Variants in DOCK1 observed in about 807,000 individuals in gnomAD.
The protein encoded by DOCK1 is dedicator of cytokinesis 1.
In DOCK1, 138 loss-of-function variants were observed where a neutral mutation model predicts 262.7. That is an observed-to-expected ratio of 0.53 (90% CI 0.46 to 0.61). The LOEUF is 0.61. Ranked by LOEUF, DOCK1 falls within the 20% of genes least tolerant of loss-of-function variation. DOCK1 has a pLI of 0.00. For missense variants in DOCK1, 1,908 were observed against 2,370.7 expected (o/e 0.80, Z 4.05); for synonymous variants, 866 against 867.4 (o/e 1.00, Z 0.03).
intron 27 of DOCK1, among the ~76,000 whole-genome samples, chr10:127,237,536 A>T (rs1385954393): frequency 6.6e-6 from 1 of 152,198 alleles, no homozygotes; most frequent in Non-Finnish European, 1.5e-5. Context: ...TAAATAAGCC[A>T]TTCCCGTACT....
intron 4 of DOCK1, among the ~76,000 whole-genome samples, chr10:126,984,436 C>T (rs2039207022): frequency 6.6e-6 from 1 of 152,176 alleles, no homozygotes; most frequent in Non-Finnish European, 1.5e-5. Context: ...CAACCTCTGC[C>T]TCCAGGTTCA....
At chr10:127,177,615 C>T (rs2055294665) in intron 27 of DOCK1, among the ~76,000 whole-genome samples, 2 of 152,228 alleles carry the variant, frequency 1.3e-5, no homozygotes, top group African/African-American at 4.8e-5. Context: ...CCCGTGAGAG[C>T]TGCACAGAAA....
chr10:126,909,877 G>A (rs144367668), intron 1 of DOCK1, among the ~76,000 whole-genome samples: 5 of 152,290 alleles, frequency 3.3e-5, no homozygotes, highest in South Asian at 2.1e-4. Flanking sequence ...TGCGGTTAAC[G>A]GGTTGCTGGA....
rs371921375 is a variant in DOCK1, at chr10:126,918,373, C to T, written c.46+12810C>T. On this transcript the variant is annotated intron_variant, in intron 1 of 51. Coordinates refer to ENST00000623213, the MANE Select transcript of DOCK1 (RefSeq NM_001290223.2). ...CTGCCTACTGGTGCGTGGCGGTAGCCGCCTGTGCCCAGCTGGTGTGCTTGT... is the reference window on the plus strand; with the variant it reads ...CTGCCTACTGGTGCGTGGCGGTAGCTGCCTGTGCCCAGCTGGTGTGCTTGT... 5.3e-5 allele frequency among the ~76,000 whole-genome samples: 8 copies of T among 152,354 alleles called. No homozygotes were observed. The East Asian group carries it at 9.7e-4, about 18-fold the overall frequency.
intron 1 of DOCK1, among the ~76,000 whole-genome samples, chr10:126,915,471 T>G (rs1465269903): frequency 1.3e-5 from 2 of 151,788 alleles, no homozygotes; most frequent in African/African-American, 4.8e-5. Flanking sequence ...CAGGCTGGAG[T>G]GCAGGGGCAC....
intron 25 of DOCK1, among the ~76,000 whole-genome samples, chr10:127,122,028 G>T (rs962582047): frequency 3.3e-5 from 5 of 152,204 alleles, no homozygotes; most frequent in African/African-American, 1.2e-4. Flanking sequence ...AGGAGGAACA[G>T]ATAATTAAAG....
chr10:127,043,319 A>G (rs2044141105), intron 21 of DOCK1, among the ~76,000 whole-genome samples, 155 bp downstream of exon 21: 1 of 152,178 alleles, frequency 6.6e-6, no homozygotes, highest in African/African-American at 2.4e-5. Context: ...TTCCCTCTTA[A>G]CATACCTAAA....
At chr10:127,017,511 A>G (rs1218407868) in intron 12 of DOCK1, among the ~76,000 whole-genome samples, 1 of 151,068 alleles carries the variant, frequency 6.6e-6, no homozygotes, top group African/African-American at 2.4e-5. Flanking sequence ...ACACACACAG[A>G]CACACACGTG....
At chr10:127,008,711 C>T in intron 10 of DOCK1, 21 bp from the exon 11 acceptor site, 1 of 1,568,118 alleles carries the variant, frequency 6.4e-7, no homozygotes, top group Non-Finnish European at 8.7e-7. Context: ...AAAACAATCT[C>T]TGTTCTCTTT....
intron 35 of DOCK1, among the ~76,000 whole-genome samples, chr10:127,374,434 G>A (rs1404768856): frequency 6.6e-5 from 10 of 152,122 alleles, no homozygotes; most frequent in African/African-American, 1.4e-4. Flanking sequence ...TTTTAATGTC[G>A]CTCTCCTTGT....
chr10:127,042,835 C>T, intron 20 of DOCK1, 121 bp downstream of exon 20: 1 of 1,089,084 alleles, frequency 9.2e-7, no homozygotes, highest in Non-Finnish European at 1.3e-6. Context: ...GTTGTAAATC[C>T]AATCAGAGAT....
intron 27 of DOCK1, among the ~76,000 whole-genome samples, chr10:127,236,497 C>T (rs1345071737): frequency 1.9e-5 from 2 of 104,178 alleles, no homozygotes; most frequent in African/African-American, 7.3e-5. Flanking sequence ...CTTCTTGACA[C>T]GGGTTTTTTT....
chr10:127,434,042 A>G (rs1233752681), intron 48 of DOCK1, among the ~76,000 whole-genome samples: 5 of 151,842 alleles, frequency 3.3e-5, no homozygotes, highest in Non-Finnish European at 5.9e-5. Flanking sequence ...CCCGGACAGG[A>G]GCTGGTGTGG....
chr10:127,099,879 C>CT (rs1314869060), intron 23 of DOCK1, among the ~76,000 whole-genome samples: 1 of 152,178 alleles, frequency 6.6e-6, no homozygotes, highest in African/African-American at 2.4e-5. Context: ...GTACCAGAGT[C>CT]TAACTGTGTG....
intron 23 of DOCK1, among the ~76,000 whole-genome samples, chr10:127,079,385 T>TTC (rs1387283725): frequency 6.6e-6 from 1 of 152,206 alleles, no homozygotes; most frequent in African/African-American, 2.4e-5. Context: ...TCTGGAATCC[T>TTC]TCTCTCTCTC....
chr10:127,415,247 G>T lies in DOCK1; in HGVS notation c.4515+9G>T, dbSNP rs1220193174. On this transcript the variant is annotated intron_variant, in intron 44 of 51. Coordinates refer to ENST00000623213, the MANE Select transcript of DOCK1 (RefSeq NM_001290223.2). Reference sequence around the variant, plus strand: ...TCAAGTCTGTTTTCATGGTAAGGATGGCCCCACCCCAGAAGGAATTGTCCG... The same window carrying T: ...TCAAGTCTGTTTTCATGGTAAGGATTGCCCCACCCCAGAAGGAATTGTCCG... 1 of 1,611,546 alleles carries T rather than the reference G, an allele frequency of 6.2e-7. No homozygotes were observed.
chr10:127,043,257 T>A, intron 21 of DOCK1, 93 bp downstream of exon 21: 1 of 953,322 alleles, frequency 1.0e-6, no homozygotes, highest in Non-Finnish European at 1.6e-6. Context: ...TATGACTGTG[T>A]ATTTACTCCT....
intron 42 of DOCK1, among the ~76,000 whole-genome samples, chr10:127,410,006 G>A (rs527239669): frequency 4.3e-4 from 66 of 152,342 alleles, no homozygotes; most frequent in South Asian, 1.9e-3. Context: ...TTTAGCAGAT[G>A]TGTTTGATAT....
chr10:127,170,597 C>G (rs1157060095), intron 27 of DOCK1, among the ~76,000 whole-genome samples: 1 of 152,190 alleles, frequency 6.6e-6, no homozygotes, highest in Non-Finnish European at 1.5e-5. Flanking sequence ...GGTTGCCACA[C>G]TGTAGTTGCT....
Sources: gnomAD v4.1 joint callset for allele counts (sites outside exome capture counted in the v4.1 genomes callset) on GRCh38, gnomAD v4.1.1 for gene constraint, MANE v1.5 for transcripts, NCBI Gene and HGNC (gene_info 2026-07-23, HGNC 2026-07-21) for gene names.